CADPS2: variants seen among roughly 807,000 people sequenced by gnomAD.
CADPS2 encodes the protein calcium dependent secretion activator 2.
CADPS2 carries 93 observed loss-of-function variants against 172.5 expected under a neutral mutation model. The ratio of observed to expected loss-of-function variants is 0.54; its 90% CI spans 0.46 to 0.64. The LOEUF (loss-of-function observed/expected upper bound fraction) is 0.64. Among genes scored for constraint, CADPS2 ranks in the 30% least tolerant of loss-of-function variants. CADPS2 has a pLI of 0.00. For synonymous variants in CADPS2, 546 were observed against 555.2 expected, an observed-to-expected ratio of 0.98 and a Z score of 0.23; for missense variants, 1,420 against 1,565.9, an observed-to-expected ratio of 0.91 and a Z score of 1.57.
intron 3 of CADPS2, among the ~76,000 whole-genome samples, chr7:122,643,183 T>C (rs554456500): frequency 6.6e-6 from 1 of 152,326 alleles, no homozygotes; most frequent in Admixed American, 6.5e-5. Flanking sequence ...CAGTGTTTCA[T>C]TTGGAAATGC....
chr7:122,357,398 G>A (rs1387720151), intron 27 of CADPS2: 1 of 151,884 alleles, frequency 6.6e-6, no homozygotes, highest in East Asian at 1.9e-4. Context: ...CACTTTCCTC[G>A]CTCCTCTTTC....
At chr7:122,557,503 C>T (rs1193742452) in intron 7 of CADPS2, among the ~76,000 whole-genome samples, 4 of 152,018 alleles carry the variant, frequency 2.6e-5, no homozygotes, top group Admixed American at 2.0e-4. Flanking sequence ...GTCCCTGTTC[C>T]GTTACTGTAT....
intron 8 of CADPS2, among the ~76,000 whole-genome samples, chr7:122,552,225 C>T (rs1453861555): frequency 6.6e-6 from 1 of 152,122 alleles, no homozygotes; most frequent in African/African-American, 2.4e-5. Context: ...CTACATAACA[C>T]ACTATCTTAG....
intron 28 of CADPS2, among the ~76,000 whole-genome samples, chr7:122,326,999 G>T (rs1284786673): frequency 6.6e-6 from 1 of 151,956 alleles, no homozygotes; most frequent in Non-Finnish European, 1.5e-5. Flanking sequence ...ATGTGAGATG[G>T]ACCATGATTT....
intron 28 of CADPS2, among the ~76,000 whole-genome samples, chr7:122,341,045 A>T (rs2036700608): frequency 6.6e-6 from 1 of 152,332 alleles, no homozygotes; most frequent in East Asian, 1.9e-4. Context: ...CATGTGCCTC[A>T]GTGGTCACGT....
intron 6 of CADPS2, among the ~76,000 whole-genome samples, chr7:122,600,934 T>C (rs1000932991): frequency 1.3e-5 from 2 of 152,092 alleles, no homozygotes; most frequent in Non-Finnish European, 1.5e-5. Flanking sequence ...GCTAAAGTTA[T>C]TTAACATTAA....
intron 19 of CADPS2, among the ~76,000 whole-genome samples, chr7:122,408,855 T>C (rs1273096144): frequency 6.6e-6 from 1 of 152,210 alleles, no homozygotes; most frequent in Admixed American, 6.5e-5. Context: ...TTATAGTAAA[T>C]ATGGCCTTAA....
intron 15 of CADPS2, 121 bp downstream of exon 15, chr7:122,451,253 C>T (rs1254662328): frequency 2.2e-6 from 1 of 447,538 alleles, no homozygotes; most frequent in Non-Finnish European, 3.9e-6. Flanking sequence ...ACCCTGCAGG[C>T]AAGGGAGGGC....
intron 1 of CADPS2, among the ~76,000 whole-genome samples, chr7:122,750,968 C>T (rs746417901): frequency 7.2e-5 from 11 of 152,086 alleles, no homozygotes; most frequent in Middle Eastern, 3.4e-3. Context: ...AATGCTGAAC[C>T]CCTAAAATTT....
intron 3 of CADPS2, among the ~76,000 whole-genome samples, chr7:122,644,070 G>A (rs1393561602): frequency 4.0e-5 from 6 of 151,636 alleles, no homozygotes; most frequent in East Asian, 3.9e-4. Context: ...ACTCTGTCTC[G>A]AAAGAAAAGA....
At chr7:122,746,580 A>G (rs1308281106) in intron 1 of CADPS2, among the ~76,000 whole-genome samples, 1 of 151,988 alleles carries the variant, frequency 6.6e-6, no homozygotes, top group African/African-American at 2.4e-5. Context: ...CTTGGGCCAC[A>G]TGTAAAACAC....
chr7:122,790,021 A>T (rs1194527010), intron 1 of CADPS2, among the ~76,000 whole-genome samples: 5 of 145,912 alleles, frequency 3.4e-5, no homozygotes, highest in African/African-American at 5.1e-5. Flanking sequence ...GCAAACAAAT[A>T]TTAAGTGTTT....
At chr7:122,542,981 T>C (rs2063254620) in intron 8 of CADPS2, among the ~76,000 whole-genome samples, 1 of 152,122 alleles carries the variant, frequency 6.6e-6, no homozygotes, top group African/African-American at 2.4e-5. Flanking sequence ...GGGTGACCAA[T>C]GAAAATTCCA....
intron 1 of CADPS2, among the ~76,000 whole-genome samples, chr7:122,775,125 C>T (rs1589129793): frequency 6.6e-6 from 1 of 152,232 alleles, no homozygotes; most frequent in Admixed American, 6.5e-5. Flanking sequence ...AAATTATATT[C>T]ATTCTGGGTA....
intron 14 of CADPS2, among the ~76,000 whole-genome samples, chr7:122,458,473 T>A (rs896009287): frequency 6.6e-6 from 1 of 152,200 alleles, no homozygotes; most frequent in African/African-American, 2.4e-5. Context: ...AAGAAATTAA[T>A]TGTGTCTTTA....
intron 1 of CADPS2, among the ~76,000 whole-genome samples, chr7:122,802,428 G>A (rs1192750876): frequency 6.6e-6 from 1 of 152,134 alleles, no homozygotes; most frequent in Non-Finnish European, 1.5e-5. Context: ...TCGCTGGTCA[G>A]TCTCACTCAT....
intron 14 of CADPS2, among the ~76,000 whole-genome samples, chr7:122,456,899 T>C (rs1192679581): frequency 1.3e-5 from 2 of 152,236 alleles, no homozygotes; most frequent in African/African-American, 4.8e-5. Flanking sequence ...TTTGTGCTAT[T>C]CATCAATCTG....
intron 6 of CADPS2, among the ~76,000 whole-genome samples, chr7:122,582,388 A>T (rs1464811385): frequency 6.6e-6 from 1 of 152,004 alleles, no homozygotes; most frequent in African/African-American, 2.4e-5. Context: ...TAAAGCAGAG[A>T]CCATTTCAAT....
At chr7:122,697,676 T>C (rs897960890) in intron 2 of CADPS2, 4 of 824,068 alleles carry the variant, frequency 4.9e-6, no homozygotes, top group Non-Finnish European at 7.4e-6. Flanking sequence ...ATAAAATTAC[T>C]GAAGTAACAA....
Sources: gnomAD v4.1 joint callset for allele counts (sites outside exome capture counted in the v4.1 genomes callset) on GRCh38, gnomAD v4.1.1 for gene constraint, MANE v1.5 for transcripts, NCBI Gene and HGNC (gene_info 2026-07-23, HGNC 2026-07-21) for gene names.